The following DCTN4 variants were observed in gnomAD, a reference collection of about 807,000 sequenced individuals.
DCTN4 encodes dynactin 4 (p62).
Under a neutral mutation model 62.7 loss-of-function variants are expected in DCTN4, and 23 were observed. The ratio of observed to expected loss-of-function variants is 0.37; its 90% CI spans 0.26 to 0.52. The LOEUF (loss-of-function observed/expected upper bound fraction) is 0.52. Among genes scored for constraint, DCTN4 ranks in the 20% least tolerant of loss-of-function variants. DCTN4 has a pLI of 0.92. For missense variants in DCTN4, 514 were observed against 580.4 expected (o/e 0.89, Z 1.18); for synonymous variants, 199 against 202.1 (o/e 0.98, Z 0.13).
intron 1 of DCTN4, 118 bp downstream of exon 1, chr5:150,758,740 AC>A: frequency 6.9e-7 from 1 of 1,439,198 alleles, no homozygotes; most frequent in Non-Finnish European, 9.4e-7. Flanking sequence ...AACCCGAGTG[AC>A]GGAAGACATA....
chr5:150,724,050 T>C (rs918958508), intron 8 of DCTN4, among the ~76,000 whole-genome samples: 2 of 152,202 alleles, frequency 1.3e-5, no homozygotes, highest in African/African-American at 2.4e-5. Flanking sequence ...TGTCTAAGTA[T>C]CTGTAAGACA....
At chr5:150,739,932 A>T (rs1760711042) in intron 4 of DCTN4, among the ~76,000 whole-genome samples, 1 of 152,210 alleles carries the variant, frequency 6.6e-6, no homozygotes, top group Admixed American at 6.5e-5. Context: ...TCAACTCAAG[A>T]TGTATCAAAG....
chr5:150,751,723 C>G (rs1001015847), intron 3 of DCTN4, among the ~76,000 whole-genome samples: 1 of 151,972 alleles, frequency 6.6e-6, no homozygotes, highest in Non-Finnish European at 1.5e-5. Context: ...TTTTAAGGAA[C>G]TAAGATATAC....
chr5:150,732,411 A>G (rs1760420319), intron 5 of DCTN4, among the ~76,000 whole-genome samples: 1 of 152,220 alleles, frequency 6.6e-6, no homozygotes, highest in Non-Finnish European at 1.5e-5. Context: ...TCAGCCTCCC[A>G]AAGTGCTGGG....
intron 3 of DCTN4, among the ~76,000 whole-genome samples, chr5:150,750,851 T>C (rs960398249): frequency 6.6e-6 from 1 of 152,160 alleles, no homozygotes; most frequent in African/African-American, 2.4e-5. Context: ...GGCTGTTTCA[T>C]TTCTTAAACT....
chr5:150,758,307 T>C (rs1000287471), intron 1 of DCTN4: 158 of 985,626 alleles, frequency 1.6e-4, no homozygotes, highest in Non-Finnish European at 1.8e-4. Flanking sequence ...GCTTCTTACA[T>C]GACATACTGT....
At chr5:150,712,068 C>T (rs1346796374) in intron 12 of DCTN4, among the ~76,000 whole-genome samples, 3 of 152,208 alleles carry the variant, frequency 2.0e-5, no homozygotes, top group African/African-American at 7.2e-5. Flanking sequence ...CATCCCTTTA[C>T]ATTTACCTCT....
intron 3 of DCTN4, among the ~76,000 whole-genome samples, chr5:150,752,915 G>A (rs1752727991): frequency 6.6e-6 from 1 of 150,890 alleles, no homozygotes; most frequent in Admixed American, 6.6e-5. Context: ...CACCCAGGCT[G>A]GAGTGCAGAG....
intron 8 of DCTN4, among the ~76,000 whole-genome samples, chr5:150,727,007 C>T (rs982503010): frequency 6.6e-6 from 1 of 151,924 alleles, no homozygotes; most frequent in Non-Finnish European, 1.5e-5. Context: ...AAGCACAAAC[C>T]CCAGGTACTT....
chr5:150,749,345 T>C (rs1242533825), intron 3 of DCTN4, among the ~76,000 whole-genome samples: 4 of 152,200 alleles, frequency 2.6e-5, no homozygotes, highest in African/African-American at 7.2e-5. Context: ...CAAAGATATA[T>C]GGCTGGTAAA....
At chr5:150,746,797 T>C (rs1018874207) in intron 3 of DCTN4, among the ~76,000 whole-genome samples, 13 of 152,280 alleles carry the variant, frequency 8.5e-5, no homozygotes, top group African/African-American at 3.1e-4. Flanking sequence ...CTCAAAATAA[T>C]AACAGCTATC....
chr5:150,713,335 C>T (rs757410876), intron 12 of DCTN4, among the ~76,000 whole-genome samples: 3 of 152,068 alleles, frequency 2.0e-5, no homozygotes, highest in African/African-American at 4.8e-5. Flanking sequence ...GGAATGCTAT[C>T]GAACAACAAA....
At chr5:150,729,049 T>C (rs1377443917) in intron 8 of DCTN4, among the ~76,000 whole-genome samples, 4 of 119,840 alleles carry the variant, frequency 3.3e-5, no homozygotes, top group African/African-American at 1.1e-4. Flanking sequence ...TGGCTTTTTT[T>C]TTTTTTTTTT....
chr5:150,758,932 C>T lies in DCTN4; in HGVS notation c.62G>A (p.Arg21Gln). Residue 21 changes from arginine to glutamine, a missense_variant, in exon 1 of 13, where the codon CGG becomes CAG. Coordinates refer to ENST00000447998, the MANE Select transcript of DCTN4 (RefSeq NM_016221.4). ...LYLVQGEKKV[R>Q]APLSQLYFCR... ...GAAGTAGAGTTGCGAGAGCGGGGCC[C>T]GAACCTTCTTTTCTCCCTGGACTAG... is the stretch of plus-strand genomic sequence containing the variant. 1 of 1,614,116 alleles carries T rather than the reference C, an allele frequency of 6.2e-7. No homozygotes were observed.
At chr5:150,723,009 C>G (rs547062807) in intron 8 of DCTN4, 29 bp from the exon 9 acceptor site, 1 of 1,479,514 alleles carries the variant, frequency 6.8e-7, no homozygotes, top group South Asian at 1.2e-5. Context: ...TAACACGTAT[C>G]AGAAGACAAC....
intron 8 of DCTN4, among the ~76,000 whole-genome samples, chr5:150,725,390 T>C (rs1480015947): frequency 2.6e-5 from 4 of 151,710 alleles, no homozygotes; most frequent in Non-Finnish European, 4.4e-5. Flanking sequence ...TTTATATCAA[T>C]TTAATTTATA....
At chr5:150,737,475 A>T (rs1315524651) in intron 4 of DCTN4, among the ~76,000 whole-genome samples, 5 of 152,194 alleles carry the variant, frequency 3.3e-5, no homozygotes, top group African/African-American at 1.2e-4. Context: ...TCTTGAAACG[A>T]TGCAAATTGC....
Position 150,758,803 on chromosome 5 carries a change from G to C in DCTN4, c.135+56C>G, listed in dbSNP as rs1266543850. On this transcript the variant is annotated intron_variant, in intron 1 of 12. Coordinates refer to ENST00000447998, the MANE Select transcript of DCTN4 (RefSeq NM_016221.4). ...TCCAGCCTTCCGGTGGCAGTGACTA[G>C]CATGAACGCCGCGCCCCCCCCACCC... 2.5e-6 allele frequency: 4 copies of C among 1,600,152 alleles called. No individual in the cohort carries two copies. In the African/African-American group the frequency reaches 4.0e-5, roughly 16 times the overall value.
chr5:150,734,062 T>A (rs1760485424), intron 4 of DCTN4: 1 of 151,942 alleles, frequency 6.6e-6, no homozygotes, highest in African/African-American at 2.4e-5. Flanking sequence ...CATGGTGGTG[T>A]ATGCCTATAG....
Sources: gnomAD v4.1 joint callset for allele counts (sites outside exome capture counted in the v4.1 genomes callset) on GRCh38, gnomAD v4.1.1 for gene constraint, MANE v1.5 for transcripts, NCBI Gene and HGNC (gene_info 2026-07-23, HGNC 2026-07-21) for gene names.